USP31: variants seen among roughly 807,000 people sequenced by gnomAD.
The protein encoded by USP31 is ubiquitin specific peptidase 31, also known as ubiquitin carboxyl-terminal hydrolase 31.
In USP31, 44 loss-of-function variants were observed where a neutral mutation model predicts 119.4. That is an observed-to-expected ratio of 0.37 (90% confidence interval 0.29 to 0.47). The LOEUF is 0.47. Ranked by LOEUF, USP31 falls within the 20% of genes least tolerant of loss-of-function variation. The pLI is 0.99. For missense variants in USP31, 1,643 were observed against 1,730.2 expected, an observed-to-expected ratio of 0.95 and a Z score of 0.89; for synonymous variants, 749 against 705.6, an observed-to-expected ratio of 1.06 and a Z score of -0.97.
Position 23,063,841 on chromosome 16 carries a change from T to C in USP31, c.*4205A>G, listed in dbSNP as rs567889099. The C allele has an allele frequency of 6.6e-6, 1 of 152,254 alleles. No individual in the cohort carries two copies. The highest frequency in any genetic ancestry group is 2.1e-4 in the South Asian group (1 of 4,816). 9.4% of individuals were successfully genotyped at this position (152,254 alleles called of 1,614,324 possible). On this transcript the variant is annotated 3_prime_UTR_variant, in exon 16 of 16. Coordinates refer to ENST00000219689, the MANE Select transcript of USP31 (RefSeq NM_020718.4). Reference sequence around the variant, plus strand: ...TATATGGAGGCCACGCACAATTGTTTTTACTTGGGGAAAAAAATGGTCATG... The same window carrying C: ...TATATGGAGGCCACGCACAATTGTTCTTACTTGGGGAAAAAAATGGTCATG...
intron 1 of USP31, among the ~76,000 whole-genome samples, chr16:23,121,179 C>T (rs1036730126): frequency 2.0e-5 from 3 of 152,154 alleles, no homozygotes; most frequent in African/African-American, 7.2e-5. Flanking sequence ...GCATTCACAT[C>T]GCCATAAACC....
Position 23,067,913 on chromosome 16 carries a change from T to TCACA in USP31, c.*129_*132dup, listed in dbSNP as rs113946424. On this transcript the variant is annotated 3_prime_UTR_variant, in exon 16 of 16. Transcript: ENST00000219689. ...GAATTAGACACACACACGCATACAC[T>TCACA]CACACACACACACACAGTCGGGCAC... 22,529 of 1,014,840 alleles carry TCACA rather than the reference T, an allele frequency of 0.022. 254 individuals carry two copies. The highest frequency in any genetic ancestry group is 0.06 in the African/African-American group (3,708 of 61,336). The allele number at this position is 1,014,840 out of a possible 1,614,324, so 62.9% of individuals were successfully genotyped here.
chr16:23,142,531 A>G (rs1274553304), intron 1 of USP31, among the ~76,000 whole-genome samples: 1 of 152,156 alleles, frequency 6.6e-6, no homozygotes, highest in Admixed American at 6.5e-5. Context: ...CAGGCCCAGG[A>G]CCCAGTTTGT....
At chr16:23,144,416 C>A (rs1299776558) in intron 1 of USP31, among the ~76,000 whole-genome samples, 1 of 151,948 alleles carries the variant, frequency 6.6e-6, no homozygotes, top group African/African-American at 2.4e-5. Context: ...ACGATGTCCA[C>A]CCCAAGCAGG....
chr16:23,148,738 C>A lies in USP31; in HGVS notation c.533G>T (p.Arg178Leu). 4.0e-6 allele frequency: 6 copies of A among 1,487,742 alleles called. No homozygotes were observed. The highest frequency in any genetic ancestry group is 5.3e-6 in the Non-Finnish European group (6 of 1,122,150). The allele number at this position is 1,487,742 out of a possible 1,614,324, so 92.2% of individuals were successfully genotyped here. The change falls in exon 1 of 16, where the codon CGC becomes CTC. Residue 178 changes from arginine to leucine, a missense_variant. This residue lies in a region of USP31 where 302 missense variants were observed against 262.6 expected (regional missense o/e 1.15). Coordinates refer to ENST00000219689, the MANE Select transcript of USP31 (RefSeq NM_020718.4). The part of the protein sequence containing the change: ...PSPDPEQPAG[R>L]GAQGQGEVTE... ...GACCTCGCCCTGGCCCTGCGCGCCGCGGCCCGCAGGCTGCTCCGGGTCAGG... is the reference window on the plus strand; with the variant it reads ...GACCTCGCCCTGGCCCTGCGCGCCGAGGCCCGCAGGCTGCTCCGGGTCAGG...
At chr16:23,070,227 C>T (rs568928154) in intron 15 of USP31, among the ~76,000 whole-genome samples, 5 of 152,238 alleles carry the variant, frequency 3.3e-5, no homozygotes, top group African/African-American at 1.2e-4. Flanking sequence ...GAAATGAAGT[C>T]CTTGACCAAG....
In USP31 at chr16:23,105,434, T is replaced by A; in HGVS notation, c.1089+7A>T. 4 of 1,611,414 alleles carry A rather than the reference T, an allele frequency of 2.5e-6. No homozygotes were observed. Among genetic ancestry groups the A allele is most frequent in the Non-Finnish European group, 3.4e-6 (4 of 1,178,950 alleles). ...TCATGTGTAACTGGTCTTAGCAGAC[T>A]TATTACCTGATCAGTGGGGATCTTT... On this transcript the variant is annotated splice_region_variant and intron_variant, in intron 5 of 15. Transcript: ENST00000219689.
chr16:23,069,624 C>G lies in USP31; in HGVS notation c.2489-8G>C, dbSNP rs1364082887. ...GTCGAGTTGAAAAGCCTCCTGAACACAGTAAAGAGAATACTGTTAAGTTAA... is the reference window on the plus strand; with the variant it reads ...GTCGAGTTGAAAAGCCTCCTGAACAGAGTAAAGAGAATACTGTTAAGTTAA... On this transcript the variant is annotated splice_region_variant and splice_polypyrimidine_tract_variant and intron_variant, in intron 15 of 15. Transcript: ENST00000219689. 1.3e-6 allele frequency: 2 copies of G among 1,593,284 alleles called. No individual in the cohort carries two copies. Among genetic ancestry groups the G allele is most frequent in the Non-Finnish European group, 8.6e-7 (1 of 1,167,112 alleles).
intron 1 of USP31, among the ~76,000 whole-genome samples, chr16:23,113,499 T>G (rs1265750782): frequency 6.6e-6 from 1 of 152,132 alleles, no homozygotes; most frequent in African/African-American, 2.4e-5. Context: ...CAAACCTCCA[T>G]GGAGGCGGAA....
chr16:23,078,862 A>G (rs1900699234), intron 13 of USP31: 1 of 150,346 alleles, frequency 6.7e-6, no homozygotes, highest in South Asian at 2.3e-4. Context: ...TATTACCTAC[A>G]TACAGTGGAA....
chr16:23,079,720 C>T lies in USP31; in HGVS notation c.2176+226G>A, dbSNP rs116031385. ...CAGACAATGCCATCTGCACATACCACTCCCCAATCAGTCAGCTACCTACTG... is the reference window on the plus strand; with the variant it reads ...CAGACAATGCCATCTGCACATACCATTCCCCAATCAGTCAGCTACCTACTG... On this transcript the variant is annotated intron_variant, in intron 13 of 15. Transcript: ENST00000219689. 292 of 466,104 alleles carry T rather than the reference C, an allele frequency of 6.3e-4. 2 individuals are homozygous for T. The highest frequency in any genetic ancestry group is 5.6e-3 in the African/African-American group (275 of 49,248). The allele number at this position is 466,104 out of a possible 1,614,324, so 28.9% of individuals were successfully genotyped here.
chr16:23,108,045 C>A lies in USP31; in HGVS notation c.771+1G>T. ...TGCCCTAGGGCAGCATGCGTCCTTA[C>A]CTTCAGAGGAGGCTGGCCACTCTGC... On this transcript the variant is annotated splice_donor_variant, in intron 2 of 15. Coordinates refer to ENST00000219689, the MANE Select transcript of USP31 (RefSeq NM_020718.4). LOFTEE classifies it high-confidence loss of function. The A allele has an allele frequency of 6.2e-7, 1 of 1,612,250 alleles. No individual in the cohort carries two copies. Among genetic ancestry groups the A allele is most frequent in the Non-Finnish European group, 8.5e-7 (1 of 1,179,248 alleles).
intron 6 of USP31, among the ~76,000 whole-genome samples, chr16:23,097,115 AAGAG>A (rs1344419744): frequency 6.6e-6 from 1 of 152,190 alleles, no homozygotes; most frequent in Admixed American, 6.5e-5. Context: ...TAAAGAAAAA[AAGAG>A]AGAAGAATCA....
At chr16:23,077,988 GATCT>G (rs1900653607) in intron 13 of USP31, among the ~76,000 whole-genome samples, 1 of 152,190 alleles carries the variant, frequency 6.6e-6, no homozygotes. Flanking sequence ...TAACATTAGA[GATCT>G]ATCAACAGAA....
chr16:23,079,118 A>G (rs1395115240), intron 13 of USP31: 1 of 152,230 alleles, frequency 6.6e-6, no homozygotes, highest in East Asian at 1.9e-4. Context: ...GGAAGATTAA[A>G]AAACTTGTAG....
Position 23,061,560 on chromosome 16 carries a change from T to G in USP31, c.*6486A>C, listed in dbSNP as rs972932229. The G allele has an allele frequency of 6.5e-6, 1 of 152,694 alleles. No homozygotes were observed. The highest frequency in any genetic ancestry group is 2.4e-5 in the African/African-American group (1 of 41,476). The allele number at this position is 152,694 out of a possible 1,614,324, so 9.5% of individuals were successfully genotyped here. A position where few individuals can be genotyped will look rare whatever the true frequency, so the allele number is the denominator to read the frequency against. On this transcript the variant is annotated 3_prime_UTR_variant, in exon 16 of 16. Transcript: ENST00000219689. ...TTCTGCTTCTTAAAAGTGCATACAC[T>G]TTGAATAATAAAACATACAAATAAA... is the stretch of plus-strand genomic sequence containing the variant.
intron 5 of USP31, among the ~76,000 whole-genome samples, chr16:23,103,294 T>C (rs1288533841): frequency 6.6e-6 from 1 of 152,092 alleles, no homozygotes; most frequent in Non-Finnish European, 1.5e-5. Flanking sequence ...CCACGGATAT[T>C]TGTATTGAAA....
rs568791731 is a variant in USP31 at position 23,147,240 on chromosome 16, C to T, written c.633+1398G>A. ...TCTCCTGCCTCAGCCTCCTGAGTAG[C>T]CAGGATAACAGGCATGAACCACCAC... On this transcript the variant is annotated intron_variant, in intron 1 of 15. Transcript: ENST00000219689. Among the ~76,000 whole-genome samples, 12 of 152,212 alleles carry T rather than the reference C, an allele frequency of 7.9e-5. 1 individual carries two copies. The South Asian group carries it at 2.5e-3, about 32-fold the overall frequency.
chr16:23,088,853 T>C (rs918382454), intron 7 of USP31, among the ~76,000 whole-genome samples: 1 of 152,224 alleles, frequency 6.6e-6, no homozygotes, highest in Non-Finnish European at 1.5e-5. Flanking sequence ...AGAAAATAGA[T>C]GAATGAATGA....
Sources: allele counts gnomAD v4.1 joint callset (sites outside exome capture counted in the v4.1 genomes callset), GRCh38; gene constraint gnomAD v4.1.1; regional missense constraint gnomAD v4.1.1; transcripts MANE v1.5; gene names NCBI Gene and HGNC (gene_info 2026-07-23, HGNC 2026-07-21).